The following NAALADL2 variants were observed in gnomAD, a reference collection of about 807,000 sequenced individuals.
The protein encoded by NAALADL2 is N-acetylated alpha-linked acidic dipeptidase like 2.
Under a neutral mutation model 87.2 loss-of-function variants are expected in NAALADL2, and 76 were observed. That is an observed-to-expected ratio of 0.87 (90% CI 0.72 to 1.05). The LOEUF is 1.05. NAALADL2 is among the 50% of genes least tolerant of loss of function. The pLI is 0.00. For synonymous variants in NAALADL2, 354 were observed against 331.0 expected, an observed-to-expected ratio of 1.07 and a Z score of -0.75; for missense variants, 1,089 against 945.8, an observed-to-expected ratio of 1.15 and a Z score of -1.99.
intron 11 of NAALADL2, among the ~76,000 whole-genome samples, chr3:175,636,707 A>G (rs1180576675): frequency 1.4e-5 from 2 of 147,446 alleles, no homozygotes; most frequent in African/African-American, 2.5e-5. Context: ...AAAAAAAAAA[A>G]AAAAAAAGAA....
chr3:174,927,740 G>C (rs1014345162), intron 1 of NAALADL2, among the ~76,000 whole-genome samples: 7 of 152,170 alleles, frequency 4.6e-5, no homozygotes, highest in African/African-American at 1.4e-4. Context: ...GCACTAAATG[G>C]CCACAAGAGA....
intron 11 of NAALADL2, among the ~76,000 whole-genome samples, chr3:175,725,593 A>G (rs1742812075): frequency 1.3e-5 from 2 of 152,144 alleles, no homozygotes; most frequent in South Asian, 4.1e-4. Flanking sequence ...AATATTGGCC[A>G]CTGGTATTCC....
At chr3:175,785,762 G>T (rs1324124807) in intron 13 of NAALADL2, among the ~76,000 whole-genome samples, 7 of 148,978 alleles carry the variant, frequency 4.7e-5, no homozygotes, top group Non-Finnish European at 1.0e-4. Context: ...GTTAGCTGGT[G>T]ATTTTGCTCG....
intron 1 of NAALADL2, among the ~76,000 whole-genome samples, chr3:175,075,286 T>A (rs932078520): frequency 6.6e-5 from 10 of 152,182 alleles, no homozygotes; most frequent in African/African-American, 2.4e-4. Flanking sequence ...AGAATTTTTA[T>A]GTTATACTTA....
At chr3:175,409,358 T>C (rs1395576938) in intron 5 of NAALADL2, among the ~76,000 whole-genome samples, 1 of 151,956 alleles carries the variant, frequency 6.6e-6, no homozygotes, top group East Asian at 1.9e-4. Flanking sequence ...CAGGATGTCA[T>C]TGATTTGTGA....
chr3:174,898,148 AAAAG>A (rs1241616960), intron 1 of NAALADL2, among the ~76,000 whole-genome samples: 1 of 148,444 alleles, frequency 6.7e-6, no homozygotes, highest in African/African-American at 2.5e-5. Flanking sequence ...AAAAAAGAAA[AAAAG>A]AATGAGATCT....
intron 1 of NAALADL2, among the ~76,000 whole-genome samples, chr3:174,962,371 C>CATATATAT (rs140830010): frequency 1.3e-4 from 10 of 75,738 alleles, no homozygotes; most frequent in African/African-American, 4.2e-4. Context: ...GTGACTATGA[C>CATATATAT]ATATATATAT....
At chr3:175,728,115 G>C (rs986760933) in intron 11 of NAALADL2, among the ~76,000 whole-genome samples, 2 of 152,046 alleles carry the variant, frequency 1.3e-5, no homozygotes, top group Admixed American at 6.6e-5. Flanking sequence ...TTGAATATTA[G>C]ATATCATAAA....
At chr3:175,029,769 T>TTA (rs1337844062) in intron 1 of NAALADL2, among the ~76,000 whole-genome samples, 12 of 152,172 alleles carry the variant, frequency 7.9e-5, no homozygotes, top group Non-Finnish European at 1.3e-4. Flanking sequence ...ATGCCATAAA[T>TTA]GCCACAAAAA....
At chr3:175,363,891 T>G (rs1160608466) in intron 5 of NAALADL2, among the ~76,000 whole-genome samples, 1 of 148,202 alleles carries the variant, frequency 6.7e-6, no homozygotes, top group Non-Finnish European at 1.5e-5. Flanking sequence ...CATATTGAAC[T>G]ATCCTGTGTA....
intron 1 of NAALADL2, among the ~76,000 whole-genome samples, chr3:175,070,597 T>C (rs912867894): frequency 5.9e-5 from 9 of 152,070 alleles, no homozygotes; most frequent in African/African-American, 2.2e-4. Context: ...TTTGAATGAG[T>C]CACTACCTAT....
Position 174,730,251 on chromosome 3 carries a change from G to A in NAALADL2, c.-114-7390G>A, listed in dbSNP as rs544211940. 3.3e-5 allele frequency among the ~76,000 whole-genome samples: 5 copies of A among 152,092 alleles called. No homozygotes were observed. In the South Asian group the frequency reaches 1.0e-3, roughly 32 times the overall value. On this transcript the variant is annotated intron_variant, in intron 2 of 3. Transcript: ENST00000434257. ...TGTAACCCTATGACAAGATCATTGT[G>A]TATTCTTCCTCTTTGAATTTGTTCT...
intron 1 of NAALADL2, among the ~76,000 whole-genome samples, chr3:175,078,456 A>G (rs1717069518): frequency 6.6e-6 from 1 of 152,216 alleles, no homozygotes; most frequent in African/African-American, 2.4e-5. Flanking sequence ...ATTCACTCAT[A>G]TGAAGTGTGC....
chr3:175,244,492 T>A (rs1312172444), intron 3 of NAALADL2, among the ~76,000 whole-genome samples: 1 of 152,142 alleles, frequency 6.6e-6, no homozygotes, highest in African/African-American at 2.4e-5. Flanking sequence ...TACTGTCACG[T>A]TGTTGAGCTG....
intron 13 of NAALADL2, among the ~76,000 whole-genome samples, chr3:175,778,990 A>G (rs1267735802): frequency 6.6e-6 from 1 of 152,228 alleles, no homozygotes; most frequent in Non-Finnish European, 1.5e-5. Flanking sequence ...ACTCAAAGAA[A>G]TGAAGTTGAA....
Position 174,450,906 on chromosome 3 carries a change from A to G in NAALADL2, c.-184+9874A>G, listed in dbSNP as rs556863011. 2.6e-5 allele frequency among the ~76,000 whole-genome samples: 4 copies of G among 151,314 alleles called. No individual in the cohort carries two copies. In the South Asian group the frequency reaches 8.4e-4, roughly 32 times the overall value. On this transcript the variant is annotated intron_variant, in intron 1 of 3. Transcript: ENST00000434257. ...AAAAAAAAAAAAAGAAAGAAAGAAA[A>G]AGACTGGGAGGGTCAGTTTTTATGT...
chr3:174,844,835 GTTTTTTTTTTTT>G (rs781333758), intron 3 of NAALADL2, among the ~76,000 whole-genome samples: 7 of 35,458 alleles, frequency 2.0e-4, no homozygotes, highest in African/African-American at 6.3e-4. Context: ...AGTTCTAATG[GTTTTTTTTTTTT>G]TTTTTTTTTT....
chr3:175,309,050 A>G (rs1455444436), intron 4 of NAALADL2, among the ~76,000 whole-genome samples: 1 of 152,220 alleles, frequency 6.6e-6, no homozygotes, highest in Non-Finnish European at 1.5e-5. Context: ...ATACAATTAA[A>G]TACATTAATT....
At chr3:175,018,265 A>T (rs529141014) in intron 1 of NAALADL2, among the ~76,000 whole-genome samples, 5 of 152,182 alleles carry the variant, frequency 3.3e-5, no homozygotes, top group Admixed American at 3.3e-4. Context: ...CATATCTTTT[A>T]TAAAGTCCTG....
Sources: allele counts gnomAD v4.1 joint callset (sites outside exome capture counted in the v4.1 genomes callset), GRCh38; gene constraint gnomAD v4.1.1; transcripts MANE v1.5; gene names NCBI Gene and HGNC (gene_info 2026-07-23, HGNC 2026-07-21).